SLC1A7: variants seen among roughly 807,000 people sequenced by gnomAD.
SLC1A7 encodes solute carrier family 1 member 7.
A neutral mutation model predicts 47.7 loss-of-function variants in SLC1A7; 40 were observed. The ratio of observed to expected loss-of-function variants is 0.84; its 90% CI spans 0.65 to 1.09. The LOEUF is 1.09. Among genes scored for constraint, SLC1A7 ranks in the 50% least tolerant of loss-of-function variants. The pLI is 0.00. For missense variants in SLC1A7, 746 were observed against 769.5 expected (o/e 0.97, Z 0.36); for synonymous variants, 323 against 325.6 (o/e 0.99, Z 0.09).
intron 3 of SLC1A7, chr1:53,114,507 C>G (rs940049549): frequency 3.7e-5 from 19 of 510,518 alleles, no homozygotes; most frequent in Non-Finnish European, 6.6e-5. Context: ...AGCAAATGCT[C>G]ACAGATGTCT....
rs990317617 is a variant in SLC1A7 at position 53,088,861 on chromosome 1, A to G, written c.1464+16T>C. ...GCTCCACCCTCCTGGCAGCCTCTGGATCTCACTGCTCTCACCTCGGTGCCT... is the reference window on the plus strand; with the variant it reads ...GCTCCACCCTCCTGGCAGCCTCTGGGTCTCACTGCTCTCACCTCGGTGCCT... On this transcript the variant is annotated intron_variant, in intron 10 of 10. Coordinates refer to ENST00000371494, the MANE Select transcript of SLC1A7 (RefSeq NM_006671.6). The G allele has an allele frequency of 6.2e-7, 1 of 1,607,012 alleles. No individual in the cohort carries two copies. The highest frequency in any genetic ancestry group is 1.3e-5 in the African/African-American group (1 of 74,728).
chr1:53,118,969 C>T (rs1184967306), intron 2 of SLC1A7, among the ~76,000 whole-genome samples: 1 of 152,174 alleles, frequency 6.6e-6, no homozygotes, highest in Non-Finnish European at 1.5e-5. Flanking sequence ...TGCACTCCAT[C>T]CTGAGCAACA....
chr1:53,096,565 C>T (rs986243027), intron 5 of SLC1A7, among the ~76,000 whole-genome samples: 5 of 151,556 alleles, frequency 3.3e-5, no homozygotes, highest in Non-Finnish European at 7.4e-5. Context: ...TCAGTACACT[C>T]ACACACTCCA....
At chr1:53,134,914 T>G (rs182704561) in intron 1 of SLC1A7, among the ~76,000 whole-genome samples, 2 of 152,204 alleles carry the variant, frequency 1.3e-5, no homozygotes, top group Admixed American at 6.5e-5. Flanking sequence ...GTAATAAAAG[T>G]TATGTGAATG....
At chr1:53,098,024 G>A (rs61769978) in intron 5 of SLC1A7, among the ~76,000 whole-genome samples, 2 of 142,980 alleles carry the variant, frequency 1.4e-5, no homozygotes, top group South Asian at 2.3e-4. Context: ...ACCCTGCCTC[G>A]GTACACTCAC....
chr1:53,138,437 A>T (rs141269647), intron 1 of SLC1A7, among the ~76,000 whole-genome samples: 19 of 152,092 alleles, frequency 1.2e-4, no homozygotes, highest in Middle Eastern at 3.4e-3. Flanking sequence ...GACATTGAAC[A>T]TTCTAATTTT....
At chr1:53,111,713 T>C (rs1399050818) in intron 3 of SLC1A7, among the ~76,000 whole-genome samples, 2 of 152,180 alleles carry the variant, frequency 1.3e-5, no homozygotes, top group Non-Finnish European at 2.9e-5. Context: ...AATTTTGAGA[T>C]ACCTCTAGAC....
Position 53,087,327 on chromosome 1 carries a change from T to C in SLC1A7, c.*682A>G, listed in dbSNP as rs1644371135. 1 of 152,274 alleles carries C rather than the reference T, an allele frequency of 6.6e-6. No homozygotes were observed. The highest frequency in any genetic ancestry group is 2.1e-4 in the South Asian group (1 of 4,834). 9.4% of individuals were successfully genotyped at this position (152,274 alleles called of 1,614,324 possible). A position where few individuals can be genotyped will look rare whatever the true frequency, so the allele number is the denominator to read the frequency against. ...GGCAGCTCCACCAGAGCATCCTGGC[T>C]GCACCTCCTTCCCGGAGTCCTGGCT... is the stretch of plus-strand genomic sequence containing the variant. On this transcript the variant is annotated 3_prime_UTR_variant, in exon 11 of 11. Transcript: ENST00000371494.
In SLC1A7 at chr1:53,114,989, G is replaced by A. The variant is rs373407325; in HGVS notation, c.216-16C>T. 1.1e-5 allele frequency: 17 copies of A among 1,606,384 alleles called. No individual in the cohort carries two copies. In the African/African-American group the frequency reaches 2.1e-4, roughly 20 times the overall value. ...GGACATCAAGCTGGGAGGGCGAGGG[G>A]GTCAGGGGCTGTGGTGGGGAGGCCA... On this transcript the variant is annotated splice_polypyrimidine_tract_variant and intron_variant, in intron 2 of 10. Coordinates refer to ENST00000371494, the MANE Select transcript of SLC1A7 (RefSeq NM_006671.6).
chr1:53,118,515 G>T (rs1208703706), intron 2 of SLC1A7: 1 of 152,134 alleles, frequency 6.6e-6, no homozygotes, highest in African/African-American at 2.4e-5. Flanking sequence ...CAGCCCAGTG[G>T]ATCCTTAACC....
chr1:53,116,739 G>A (rs989955681), intron 2 of SLC1A7, among the ~76,000 whole-genome samples: 1 of 152,180 alleles, frequency 6.6e-6, no homozygotes, highest in East Asian at 1.9e-4. Context: ...CCATGTACCC[G>A]AGAGCAGGCC....
chr1:53,096,976 A>T (rs1233130181), intron 5 of SLC1A7, among the ~76,000 whole-genome samples: 2 of 112,462 alleles, frequency 1.8e-5, no homozygotes, highest in Admixed American at 8.2e-5. Context: ...GTACACTCAC[A>T]CACCCCGCCT....
At chr1:53,096,399 A>ACGCCT (rs1644491194) in intron 5 of SLC1A7, among the ~76,000 whole-genome samples, 1 of 136,180 alleles carries the variant, frequency 7.3e-6, no homozygotes, top group Non-Finnish European at 1.6e-5. Flanking sequence ...GTACACTCAC[A>ACGCCT]CGCCTCGCCT....
chr1:53,133,290 G>T (rs1400816442), intron 2 of SLC1A7, among the ~76,000 whole-genome samples: 1 of 152,222 alleles, frequency 6.6e-6, no homozygotes, highest in Non-Finnish European at 1.5e-5. Context: ...ACTAGAGTGA[G>T]TTGAGGAGTC....
At chr1:53,088,294 G>A in intron 10 of SLC1A7, 67 bp from the exon 11 acceptor site, 1 of 1,285,658 alleles carries the variant, frequency 7.8e-7, no homozygotes, top group Non-Finnish European at 1.1e-6. Context: ...GGAGGACTGA[G>A]GGCCAGTGGG....
chr1:53,112,606 A>C (rs945802779), intron 3 of SLC1A7, among the ~76,000 whole-genome samples: 1 of 152,256 alleles, frequency 6.6e-6, no homozygotes, highest in Non-Finnish European at 1.5e-5. Context: ...AGAACTATTC[A>C]GAGACCTTGG....
chr1:53,128,070 A>G (rs1644902413), intron 2 of SLC1A7, among the ~76,000 whole-genome samples: 1 of 152,268 alleles, frequency 6.6e-6, no homozygotes, highest in African/African-American at 2.4e-5. Flanking sequence ...ACAGAGAACC[A>G]GGAGATAACT....
intron 3 of SLC1A7, among the ~76,000 whole-genome samples, chr1:53,113,780 C>A (rs1035104253): frequency 6.6e-6 from 1 of 152,150 alleles, no homozygotes; most frequent in Non-Finnish European, 1.5e-5. Flanking sequence ...CACTTTGAGG[C>A]CGGTCCCCAC....
rs553054708 is a variant in SLC1A7 at position 53,134,099 on chromosome 1, C to T, written c.215+251G>A. On this transcript the variant is annotated intron_variant, in intron 2 of 10. Coordinates refer to ENST00000371494, the MANE Select transcript of SLC1A7 (RefSeq NM_006671.6). ...CCCTGGCCTTGAGCTATCTTGGAGTCGGGTCATATCCGTTGATTCCAAATC... is the reference window on the plus strand; with the variant it reads ...CCCTGGCCTTGAGCTATCTTGGAGTTGGGTCATATCCGTTGATTCCAAATC... 1.1e-4 allele frequency among the ~76,000 whole-genome samples: 16 copies of T among 152,274 alleles called. No individual in the cohort carries two copies. In the East Asian group the frequency reaches 1.5e-3, roughly 15 times the overall value.
Sources: allele counts gnomAD v4.1 joint callset (sites outside exome capture counted in the v4.1 genomes callset), GRCh38; gene constraint gnomAD v4.1.1; transcripts MANE v1.5; gene names NCBI Gene and HGNC (gene_info 2026-07-23, HGNC 2026-07-21).